The following USP32 variants were observed in gnomAD, a reference collection of about 807,000 sequenced individuals.
USP32 encodes ubiquitin specific peptidase 32, also known as ubiquitin carboxyl-terminal hydrolase 32.
A neutral mutation model predicts 204.8 loss-of-function variants in USP32; 59 were observed. That is an observed-to-expected ratio of 0.29 (90% CI 0.23 to 0.36). The LOEUF is 0.36. Ranked by LOEUF, USP32 falls within the 10% of genes least tolerant of loss-of-function variation. The pLI, the probability that USP32 is intolerant of heterozygous loss-of-function variation, is 1.00. For synonymous variants in USP32, 517 were observed against 678.4 expected, an observed-to-expected ratio of 0.76 and a Z score of 3.70; for missense variants, 1,160 against 1,946.4, an observed-to-expected ratio of 0.60 and a Z score of 7.60.
At chr17:60,418,287 T>C (rs560758622) in intron 1 of USP32, among the ~76,000 whole-genome samples, 60 of 152,160 alleles carry the variant, frequency 3.9e-4, no homozygotes, top group African/African-American at 1.4e-3. Flanking sequence ...GAGACAGCAT[T>C]TCACCATCTT....
At chr17:60,226,328 T>A in intron 12 of USP32, 97 bp from the exon 13 acceptor site, 1 of 1,163,176 alleles carries the variant, frequency 8.6e-7, no homozygotes, top group Non-Finnish European at 1.2e-6. Context: ...TTTTTTTAAG[T>A]CTCCTGTGGT....
In USP32 at chr17:60,255,277, T is replaced by G; in HGVS notation, c.991-19A>C. On this transcript the variant is annotated intron_variant, in intron 9 of 33. Coordinates refer to ENST00000300896, the MANE Select transcript of USP32 (RefSeq NM_032582.4). ...GACCCATCTGAAACAGAGACACTCATGTTAGGAACATCTTTTTTTTCTTTT... is the reference window on the plus strand; with the variant it reads ...GACCCATCTGAAACAGAGACACTCAGGTTAGGAACATCTTTTTTTTCTTTT... 6.4e-7 allele frequency: 1 copy of G among 1,560,406 alleles called. No individual in the cohort carries two copies. The highest frequency in any genetic ancestry group is 2.0e-5 in the Admixed American group (1 of 50,000).
At chr17:60,376,945 G>A (rs4047743) in intron 1 of USP32, among the ~76,000 whole-genome samples, 3 of 152,102 alleles carry the variant, frequency 2.0e-5, no homozygotes, top group Admixed American at 2.0e-4. Context: ...TTCTGAAGAG[G>A]TATTAGATGA....
chr17:60,248,846 C>T (rs984778865), intron 11 of USP32, among the ~76,000 whole-genome samples: 1 of 152,100 alleles, frequency 6.6e-6, no homozygotes, highest in Non-Finnish European at 1.5e-5. Flanking sequence ...GTTTTTTCCT[C>T]GTATATGGGT....
intron 5 of USP32, among the ~76,000 whole-genome samples, chr17:60,285,001 C>G (rs1481544949): frequency 1.3e-5 from 2 of 152,198 alleles, no homozygotes; most frequent in Admixed American, 1.3e-4. Flanking sequence ...GAGCTTATCT[C>G]TCTCCCCTAC....
At chr17:60,348,201 G>A (rs1169054453) in intron 1 of USP32, among the ~76,000 whole-genome samples, 2 of 152,044 alleles carry the variant, frequency 1.3e-5, no homozygotes, top group Admixed American at 1.3e-4. Flanking sequence ...CTTGGAAAAT[G>A]CAATGGGGTT....
At chr17:60,182,632 G>A (rs1022499657) in intron 31 of USP32, among the ~76,000 whole-genome samples, 1 of 152,040 alleles carries the variant, frequency 6.6e-6, no homozygotes, top group Non-Finnish European at 1.5e-5. Context: ...GTGCAGTGGT[G>A]CATGCCTGTA....
intron 1 of USP32, among the ~76,000 whole-genome samples, chr17:60,416,920 C>CTT (rs113006047): frequency 5.0e-5 from 7 of 139,070 alleles, no homozygotes; most frequent in East Asian, 2.0e-4. Context: ...TATCCAATTC[C>CTT]TTTTTTTTTT....
chr17:60,239,113 TAC>T lies in USP32; in HGVS notation c.1137-2875_1137-2874del, dbSNP rs1189874245. On this transcript the variant is annotated intron_variant, in intron 11 of 33. Transcript: ENST00000300896. ...TTTTGTTAGATATAGAGATCTTGGT[TAC>T]AGTTTTTCCCCCACTTTCAGTTCTT... 3.3e-5 allele frequency among the ~76,000 whole-genome samples: 5 copies of T among 152,214 alleles called. No individual in the cohort carries two copies. The East Asian group carries it at 5.8e-4, about 18-fold the overall frequency.
intron 27 of USP32, among the ~76,000 whole-genome samples, chr17:60,196,900 G>T (rs555056151): frequency 3.4e-4 from 51 of 151,828 alleles, no homozygotes; most frequent in African/African-American, 1.2e-3. Flanking sequence ...TTTAAATCTG[G>T]CCAGGTGTGG....
chr17:60,309,018 A>G (rs972381106), intron 2 of USP32, among the ~76,000 whole-genome samples: 2 of 152,200 alleles, frequency 1.3e-5, no homozygotes, highest in Admixed American at 1.3e-4. Flanking sequence ...CCAAACCCTG[A>G]AACTATGAAA....
intron 11 of USP32, among the ~76,000 whole-genome samples, chr17:60,237,973 T>C (rs1191632957): frequency 1.3e-5 from 2 of 152,212 alleles, no homozygotes; most frequent in Non-Finnish European, 2.9e-5. Flanking sequence ...TGGAAATTCT[T>C]GCTGAGGAAC....
chr17:60,274,646 C>T (rs1227462407), intron 5 of USP32, among the ~76,000 whole-genome samples: 1 of 152,058 alleles, frequency 6.6e-6, no homozygotes, highest in Non-Finnish European at 1.5e-5. Context: ...TGTCAACCTC[C>T]AATTCTGTAT....
chr17:60,198,488 T>A, intron 26 of USP32, 44 bp from the exon 27 acceptor site: 1 of 1,601,904 alleles, frequency 6.2e-7, no homozygotes, highest in Non-Finnish European at 8.5e-7. Context: ...AAGACAGGCC[T>A]CTGATTCCTC....
intron 11 of USP32, among the ~76,000 whole-genome samples, chr17:60,246,832 C>CT: frequency 6.6e-6 from 1 of 151,982 alleles, no homozygotes; most frequent in Non-Finnish European, 1.5e-5. Context: ...ATTTGTATGT[C>CT]TTTTTTTGAG....
At chr17:60,392,431 C>T, upstream of USP32, 1 of 241,550 alleles carries the variant, frequency 4.1e-6, no homozygotes, top group South Asian at 3.3e-5. Context: ...CCCGCCCGGG[C>T]GCCTCCGCTG....
chr17:60,256,926 A>C (rs1489302409), intron 9 of USP32: 2 of 373,446 alleles, frequency 5.4e-6, no homozygotes, highest in East Asian at 1.6e-4. Flanking sequence ...ACTGACCAAC[A>C]ACGTGATTTC....
At chr17:60,285,626 A>G (rs1219863744) in intron 5 of USP32, among the ~76,000 whole-genome samples, 1 of 152,204 alleles carries the variant, frequency 6.6e-6, no homozygotes, top group Non-Finnish European at 1.5e-5. Context: ...AGAATGCTAT[A>G]AGTAGTTATA....
chr17:60,226,483 A>G (rs1411039949), intron 12 of USP32, among the ~76,000 whole-genome samples: 1 of 152,176 alleles, frequency 6.6e-6, no homozygotes, highest in Non-Finnish European at 1.5e-5. Context: ...TTTACACTCT[A>G]TTCTGTTGGC....
Sources: gnomAD v4.1 joint callset for allele counts (sites outside exome capture counted in the v4.1 genomes callset) on GRCh38, gnomAD v4.1.1 for gene constraint, MANE v1.5 for transcripts, NCBI Gene and HGNC (gene_info 2026-07-23, HGNC 2026-07-21) for gene names.